Variants in IPO7 observed in about 807,000 individuals in gnomAD.
IPO7 encodes importin-7.
A neutral mutation model predicts 136.4 loss-of-function variants in IPO7; 13 were observed. The observed-to-expected ratio is 0.10, with a 90% CI of 0.06 to 0.15. The LOEUF is 0.15. Ranked by LOEUF, IPO7 falls within the 10% of genes least tolerant of loss-of-function variation. The probability of loss-of-function intolerance (pLI) is 1.00; values close to 1 mark genes in which losing one functional copy is unlikely to be tolerated. For missense variants in IPO7, 857 were observed against 1,240.6 expected, an observed-to-expected ratio of 0.69 and a Z score of 4.65; for synonymous variants, 403 against 404.4, an observed-to-expected ratio of 1.00 and a Z score of 0.04.
chr11:9,385,467 C>T (rs1345652177), intron 1 of IPO7, among the ~76,000 whole-genome samples: 2 of 152,184 alleles, frequency 1.3e-5, no homozygotes, highest in Admixed American at 6.5e-5. Context: ...CCTGCTTTTC[C>T]GCTGTCCTAA....
intron 24 of IPO7, among the ~76,000 whole-genome samples, chr11:9,443,879 G>T (rs1166259714): frequency 6.6e-6 from 1 of 152,070 alleles, no homozygotes; most frequent in African/African-American, 2.4e-5. Flanking sequence ...TAGCCTGGGT[G>T]CCAGAGTGAG....
At position 9,446,386 on chromosome 11, in the gene IPO7, T is replaced by C. The variant is rs1326106829; in HGVS notation, c.*1192T>C. On this transcript the variant is annotated 3_prime_UTR_variant, in exon 25 of 25. Coordinates refer to ENST00000379719, the MANE Select transcript of IPO7 (RefSeq NM_006391.3). ...CCTTTCCCCATCTCTTCTACCGCTC[T>C]TGTTGATCGTGGTATCTGATCTTGA... 1 of 152,220 alleles carries C rather than the reference T, an allele frequency of 6.6e-6. No homozygotes were observed. Among genetic ancestry groups the C allele is most frequent in the Non-Finnish European group, 1.5e-5 (1 of 68,036 alleles). 9.4% of individuals were successfully genotyped at this position (152,220 alleles called of 1,614,324 possible). A position where few individuals can be genotyped will look rare whatever the true frequency, so the allele number is the denominator to read the frequency against.
chr11:9,414,169 A>C, intron 4 of IPO7, 86 bp from the exon 5 acceptor site: 4 of 961,940 alleles, frequency 4.2e-6, no homozygotes, highest in Non-Finnish European at 5.9e-6. Flanking sequence ...ATTTGATTAT[A>C]TTTGTGTAAA....
rs1334845581 is a variant in IPO7 at position 9,446,214 on chromosome 11, C to T, written c.*1020C>T. 4 of 152,188 alleles carry T rather than the reference C, an allele frequency of 2.6e-5. No homozygotes were observed. The highest frequency in any genetic ancestry group is 5.9e-5 in the Non-Finnish European group (4 of 68,036). 9.4% of individuals were successfully genotyped at this position (152,188 alleles called of 1,614,324 possible). On this transcript the variant is annotated 3_prime_UTR_variant, in exon 25 of 25. Transcript: ENST00000379719. ...CTATATATGCAATCTATTAAAAGAA[C>T]TTAATTCGGCTATTATGTCTTGATT...
At chr11:9,386,617 G>A (rs1263260366) in intron 1 of IPO7, among the ~76,000 whole-genome samples, 1 of 151,992 alleles carries the variant, frequency 6.6e-6, no homozygotes, top group Non-Finnish European at 1.5e-5. Flanking sequence ...CAAAAATGGG[G>A]GAAATAATAC....
At chr11:9,429,636 A>G (rs1186939714) in intron 14 of IPO7, 38 bp from the exon 15 acceptor site, 4 of 1,549,946 alleles carry the variant, frequency 2.6e-6, no homozygotes, top group Non-Finnish European at 3.5e-6. Context: ...AAGAAGTTTT[A>G]GGGGTTTTAC....
At chr11:9,386,249 A>T (rs928045215) in intron 1 of IPO7, among the ~76,000 whole-genome samples, 5 of 152,194 alleles carry the variant, frequency 3.3e-5, no homozygotes, top group Non-Finnish European at 7.3e-5. Flanking sequence ...ATTATACCAC[A>T]CAAAGTGATG....
In IPO7 at chr11:9,446,143, T is replaced by C. The variant is rs1249604072; in HGVS notation, c.*949T>C. On this transcript the variant is annotated 3_prime_UTR_variant, in exon 25 of 25. Coordinates refer to ENST00000379719, the MANE Select transcript of IPO7 (RefSeq NM_006391.3). ...GTATCTAGAGCATGTAAATTGGATA[T>C]AAAGTTCTGCTCTTAAAGAGTTGAT... The C allele has an allele frequency of 6.6e-6, 1 of 152,230 alleles. No homozygotes were observed. The highest frequency in any genetic ancestry group is 1.5e-5 in the Non-Finnish European group (1 of 68,038). The allele number at this position is 152,230 out of a possible 1,614,324, so 9.4% of individuals were successfully genotyped here. A position where few individuals can be genotyped will look rare whatever the true frequency, so the allele number is the denominator to read the frequency against.
At chr11:9,425,975 G>A (rs1235756672) in intron 12 of IPO7, among the ~76,000 whole-genome samples, 1 of 152,002 alleles carries the variant, frequency 6.6e-6, no homozygotes, top group Non-Finnish European at 1.5e-5. Flanking sequence ...GAACTTGGGA[G>A]GCGGAGGCTG....
At chr11:9,413,079 C>T (rs1304723999) in intron 4 of IPO7, among the ~76,000 whole-genome samples, 1 of 151,972 alleles carries the variant, frequency 6.6e-6, no homozygotes, top group South Asian at 2.1e-4. Flanking sequence ...GGGGTTTCAC[C>T]GTGTTAGCCA....
chr11:9,412,633 T>C (rs182187903), intron 4 of IPO7, among the ~76,000 whole-genome samples: 6 of 152,090 alleles, frequency 3.9e-5, no homozygotes, highest in African/African-American at 1.4e-4. Flanking sequence ...TTGGGCAACA[T>C]AGTGGAACCC....
At chr11:9,440,697 G>C in intron 23 of IPO7, 36 bp downstream of exon 23, 1 of 1,439,652 alleles carries the variant, frequency 6.9e-7, no homozygotes, top group African/African-American at 1.4e-5. Context: ...CCATTTCATT[G>C]AACAAATCTG....
intron 2 of IPO7, among the ~76,000 whole-genome samples, chr11:9,404,185 G>A (rs1854841427): frequency 6.6e-6 from 1 of 152,168 alleles, no homozygotes; most frequent in African/African-American, 2.4e-5. Flanking sequence ...TTTTGTTGGG[G>A]CTGGGTGCAG....
chr11:9,385,240 G>T (rs1282953171), intron 1 of IPO7, among the ~76,000 whole-genome samples: 2 of 152,196 alleles, frequency 1.3e-5, no homozygotes, highest in Non-Finnish European at 2.9e-5. Context: ...TCTGAGACCA[G>T]TCTCGCCGTC....
intron 8 of IPO7, 77 bp downstream of exon 8, chr11:9,420,775 C>T: frequency 1.0e-6 from 1 of 1,001,158 alleles, no homozygotes; most frequent in Non-Finnish European, 1.6e-6. Flanking sequence ...TTCCCAGTTT[C>T]TTTGACATCT....
At chr11:9,424,841 G>T (rs1855181620) in intron 10 of IPO7, 73 bp from the exon 11 acceptor site, 4 of 972,106 alleles carry the variant, frequency 4.1e-6, no homozygotes, top group Non-Finnish European at 6.5e-6. Context: ...CTTATGTAAA[G>T]ATTAAGCATG....
rs1415645645 is a variant in IPO7, at chr11:9,424,904, T to G, written c.1142-10T>G. 1 of 1,547,676 alleles carries G rather than the reference T, an allele frequency of 6.5e-7. No homozygotes were observed. Among genetic ancestry groups the G allele is most frequent in the Non-Finnish European group, 8.9e-7 (1 of 1,129,706 alleles). On this transcript the variant is annotated splice_polypyrimidine_tract_variant and intron_variant, in intron 10 of 24. Coordinates refer to ENST00000379719, the MANE Select transcript of IPO7 (RefSeq NM_006391.3). ...ATGTTTATTGTCTTAATTTTAAACTTGTTCTCTAGATGTGTTTGAAGATTT... is the reference window on the plus strand; with the variant it reads ...ATGTTTATTGTCTTAATTTTAAACTGGTTCTCTAGATGTGTTTGAAGATTT...
At chr11:9,431,352 A>G (rs961824375) in intron 16 of IPO7, among the ~76,000 whole-genome samples, 3 of 152,156 alleles carry the variant, frequency 2.0e-5, no homozygotes, top group Non-Finnish European at 4.4e-5. Flanking sequence ...ATTTTTAAGT[A>G]TATAGTTCAC....
intron 5 of IPO7, among the ~76,000 whole-genome samples, chr11:9,415,442 T>G (rs1364203960): frequency 1.3e-5 from 2 of 152,184 alleles, no homozygotes; most frequent in African/African-American, 4.8e-5. Flanking sequence ...ATTCCTAAAC[T>G]TGTCGCAAAA....
Sources: gnomAD v4.1 joint callset for allele counts (sites outside exome capture counted in the v4.1 genomes callset) on GRCh38, gnomAD v4.1.1 for gene constraint, MANE v1.5 for transcripts, NCBI Gene and HGNC (gene_info 2026-07-23, HGNC 2026-07-21) for gene names.